USP38: variants seen among roughly 807,000 people sequenced by gnomAD.
The protein encoded by USP38 is ubiquitin specific peptidase 38.
A neutral mutation model predicts 94.3 loss-of-function variants in USP38; 49 were observed. The ratio of observed to expected loss-of-function variants is 0.52; its 90% CI spans 0.41 to 0.66. The LOEUF (loss-of-function observed/expected upper bound fraction) is 0.66. USP38 is among the 30% of genes least tolerant of loss of function. The pLI is 0.00. For missense variants in USP38, 1,128 were observed against 1,229.4 expected (o/e 0.92, Z 1.23); for synonymous variants, 468 against 463.6 (o/e 1.01, Z -0.12).
intron 9 of USP38, among the ~76,000 whole-genome samples, chr4:143,216,880 G>A (rs1732199443): frequency 6.6e-6 from 1 of 151,676 alleles, no homozygotes; most frequent in Non-Finnish European, 1.5e-5. Flanking sequence ...GTGTGATCTC[G>A]GCTCACTGTA....
At position 143,186,102 on chromosome 4, in the gene USP38, C is replaced by G. The variant is rs1429168824; in HGVS notation, c.652C>G (p.Gln218Glu). ...GCCTGCCACACTACTGCCTTCCCTG[C>G]AAGAAGTTTTTGCAAGCATCTCTTC... ...AEPATLLPSL[Q>E]EVFASISSTD... The change falls in exon 1 of 10, where the codon CAA (glutamine) becomes GAA (glutamate). Residue 218 changes from glutamine (Q) to glutamate (E), a missense_variant. Coordinates refer to ENST00000307017, the MANE Select transcript of USP38 (RefSeq NM_032557.6). 1 of 1,613,954 alleles carries G rather than the reference C, an allele frequency of 6.2e-7. No individual in the cohort carries two copies. Among genetic ancestry groups the G allele is most frequent in the African/African-American group, 1.3e-5 (1 of 74,898 alleles).
At chr4:143,197,109 G>A (rs1731572592) in intron 3 of USP38, among the ~76,000 whole-genome samples, 1 of 152,056 alleles carries the variant, frequency 6.6e-6, no homozygotes, top group Admixed American at 6.6e-5. Context: ...TTACTGCCTC[G>A]GTCTCTTGCT....
intron 2 of USP38, among the ~76,000 whole-genome samples, chr4:143,194,021 G>A (rs917985354): frequency 1.3e-5 from 2 of 152,160 alleles, no homozygotes; most frequent in African/African-American, 2.4e-5. Context: ...CCTAGGAGGC[G>A]AACTTTGCAG....
At chr4:143,202,677 A>T (rs1414547983) in intron 4 of USP38, among the ~76,000 whole-genome samples, 2 of 152,140 alleles carry the variant, frequency 1.3e-5, no homozygotes, top group African/African-American at 4.8e-5. Flanking sequence ...ATGAAAGAAC[A>T]TGGTTGTGCT....
intron 2 of USP38, among the ~76,000 whole-genome samples, chr4:143,193,161 T>C (rs897355584): frequency 1.3e-5 from 2 of 152,184 alleles, no homozygotes; most frequent in East Asian, 3.8e-4. Flanking sequence ...TATTTACATA[T>C]ATATTCACAT....
chr4:143,214,228 CTA>C lies in USP38; in HGVS notation c.2254_2255del (p.Met752AlafsTer7). 6.2e-7 allele frequency: 1 copy of C among 1,613,638 alleles called. No individual in the cohort carries two copies. The highest frequency in any genetic ancestry group is 8.5e-7 in the Non-Finnish European group (1 of 1,179,822). ...GCCTCTCTGCAAAATGCTGAGAAAA[CTA>C]TGCAAATCACGGAGGAACCTGAATA... On this transcript the variant is annotated frameshift_variant, in exon 9 of 10. Transcript: ENST00000307017. LOFTEE classifies it high-confidence loss of function.
rs1377463379 is a variant in USP38, at chr4:143,220,532, T to A, written c.*76T>A. On this transcript the variant is annotated 3_prime_UTR_variant, in exon 10 of 10. Transcript: ENST00000307017. Reference sequence around the variant, plus strand: ...TGTTAAAATGTCAGACTATAACAAATATCTATCTTTTATTTTTCATTAGAC... The same window carrying A: ...TGTTAAAATGTCAGACTATAACAAAAATCTATCTTTTATTTTTCATTAGAC... 1.5e-6 allele frequency: 2 copies of A among 1,355,382 alleles called. No individual in the cohort carries two copies. The highest frequency in any genetic ancestry group is 1.9e-6 in the Non-Finnish European group (2 of 1,032,106). The allele number at this position is 1,355,382 out of a possible 1,614,324, so 84.0% of individuals were successfully genotyped here.
chr4:143,186,107 A>C lies in USP38; in HGVS notation c.657A>C (p.Glu219Asp). The change falls in exon 1 of 10, where the codon GAA becomes GAC. Residue 219 changes from glutamate to aspartate, a missense_variant. Coordinates refer to ENST00000307017, the MANE Select transcript of USP38 (RefSeq NM_032557.6). ...EPATLLPSLQ[E>D]VFASISSTDA... ...CCACACTACTGCCTTCCCTGCAAGAAGTTTTTGCAAGCATCTCTTCCACAG... is the reference window on the plus strand; with the variant it reads ...CCACACTACTGCCTTCCCTGCAAGACGTTTTTGCAAGCATCTCTTCCACAG... The C allele has an allele frequency of 6.2e-7, 1 of 1,614,108 alleles. No individual in the cohort carries two copies. Among genetic ancestry groups the C allele is most frequent in the Non-Finnish European group, 8.5e-7 (1 of 1,179,984 alleles).
At chr4:143,212,219 T>G (rs1561246552) in intron 7 of USP38, 99 bp from the exon 8 acceptor site, 3 of 905,260 alleles carry the variant, frequency 3.3e-6, no homozygotes, top group South Asian at 4.9e-5. Flanking sequence ...CAATGTTAAC[T>G]GTAAATAACC....
intron 6 of USP38, among the ~76,000 whole-genome samples, chr4:143,207,656 T>G (rs900392798): frequency 8.4e-6 from 1 of 118,748 alleles, no homozygotes; most frequent in Non-Finnish European, 1.7e-5. Context: ...TTGGTTTGTT[T>G]GTATTTGGAA....
At position 143,223,271 on chromosome 4, in the gene USP38, A is replaced by C. The variant is rs1025777016; in HGVS notation, c.*2815A>C. ...CTCTCTTCCAGCTAAATAATCAGAG[A>C]AGCAGGGCAGTATATCCCTGGAGAT... is the stretch of plus-strand genomic sequence containing the variant. On this transcript the variant is annotated 3_prime_UTR_variant, in exon 10 of 10. Coordinates refer to ENST00000307017, the MANE Select transcript of USP38 (RefSeq NM_032557.6). 3.9e-5 allele frequency: 6 copies of C among 152,058 alleles called. No individual in the cohort carries two copies. Among genetic ancestry groups the C allele is most frequent in the Admixed American group, 3.3e-4 (5 of 15,242 alleles). The allele number at this position is 152,058 out of a possible 1,614,324, so 9.4% of individuals were successfully genotyped here. A position where few individuals can be genotyped will look rare whatever the true frequency, so the allele number is the denominator to read the frequency against.
chr4:143,186,037 C>T lies in USP38; in HGVS notation c.587C>T (p.Thr196Ile). Residue 196 changes from threonine to isoleucine, a missense_variant, in exon 1 of 10, where the codon ACA becomes ATA. By Grantham distance (89) the Thr-to-Ile change is moderately conservative (BLOSUM62 -1). Coordinates refer to ENST00000307017, the MANE Select transcript of USP38 (RefSeq NM_032557.6). ...RELREYVSQV[T>I]KVSNLLQNIW... ...CTGCGGGAATATGTCTCCCAGGTGA[C>T]AAAAGTGAGTAACTTGCTGCAGAAC... is the stretch of plus-strand genomic sequence containing the variant. 1 of 1,614,222 alleles carries T rather than the reference C, an allele frequency of 6.2e-7. No individual in the cohort carries two copies. Among genetic ancestry groups the T allele is most frequent in the South Asian group, 1.1e-5 (1 of 91,088 alleles).
At chr4:143,187,713 C>T in intron 1 of USP38, 113 bp from the exon 2 acceptor site, 13 of 1,131,192 alleles carry the variant, frequency 1.1e-5, no homozygotes, top group East Asian at 2.6e-5. Flanking sequence ...CATAATAATC[C>T]TTCCTAGTTA....
rs183062099 is a variant in USP38, at chr4:143,222,370, A to G, written c.*1914A>G. 6.6e-6 allele frequency: 1 copy of G among 152,166 alleles called. No homozygotes were observed. The highest frequency in any genetic ancestry group is 6.6e-5 in the Admixed American group (1 of 15,266). The allele number at this position is 152,166 out of a possible 1,614,324, so 9.4% of individuals were successfully genotyped here. On this transcript the variant is annotated 3_prime_UTR_variant, in exon 10 of 10. Transcript: ENST00000307017. ...AAATCCACAGATACTCAAGTCCCTT[A>G]TTTATATAAAATAGCACAGTATTTG...
At chr4:143,210,494 G>A (rs1731993956) in intron 7 of USP38, among the ~76,000 whole-genome samples, 1 of 152,064 alleles carries the variant, frequency 6.6e-6, no homozygotes, top group African/African-American at 2.4e-5. Flanking sequence ...GGCTGAGATA[G>A]GAGAATTGCT....
rs773314069 is a variant in USP38, at chr4:143,187,822, A to C, written c.683-4A>C. The C allele has an allele frequency of 6.2e-7, 1 of 1,604,632 alleles. No individual in the cohort carries two copies. The highest frequency in any genetic ancestry group is 8.5e-7 in the Non-Finnish European group (1 of 1,176,890). ...TTCCCTTTTCTTTTTAATTGAAAAA[A>C]CAGATGCATCATTTGAACCTTCTGT... On this transcript the variant is annotated splice_region_variant and splice_polypyrimidine_tract_variant and intron_variant, in intron 1 of 9. Coordinates refer to ENST00000307017, the MANE Select transcript of USP38 (RefSeq NM_032557.6).
At chr4:143,215,232 G>A in intron 9 of USP38, 1 of 362,658 alleles carries the variant, frequency 2.8e-6, no homozygotes, top group Non-Finnish European at 5.0e-6. Context: ...TTACAAAAGT[G>A]GACATATCCT....
chr4:143,185,448 A>G lies in USP38; in HGVS notation c.-3A>G, dbSNP rs758026979. ...CTGGCCCTGGCCTTGCAGCGTGGCGACAATGGACAAGATCCTGGAGGGCCT... is the reference window on the plus strand; with the variant it reads ...CTGGCCCTGGCCTTGCAGCGTGGCGGCAATGGACAAGATCCTGGAGGGCCT... On this transcript the variant is annotated 5_prime_UTR_variant, in exon 1 of 10. Coordinates refer to ENST00000307017, the MANE Select transcript of USP38 (RefSeq NM_032557.6). 2 of 1,573,278 alleles carry G rather than the reference A, an allele frequency of 1.3e-6. No individual in the cohort carries two copies. Among genetic ancestry groups the G allele is most frequent in the Non-Finnish European group, 1.7e-6 (2 of 1,156,548 alleles).
chr4:143,206,017 T>C lies in USP38; in HGVS notation c.1210-16T>C. The C allele has an allele frequency of 6.7e-7, 1 of 1,489,242 alleles. No individual in the cohort carries two copies. 92.3% of individuals were successfully genotyped at this position (1,489,242 alleles called of 1,614,324 possible). On this transcript the variant is annotated splice_polypyrimidine_tract_variant and intron_variant, in intron 5 of 9. Transcript: ENST00000307017. ...TACTTTACTTTTAAACTGTTTTTCT[T>C]CTTTATGACCTATAGGATTTTCCTA... is the stretch of plus-strand genomic sequence containing the variant.
Sources: gnomAD v4.1 joint callset for allele counts (sites outside exome capture counted in the v4.1 genomes callset) on GRCh38, gnomAD v4.1.1 for gene constraint, MANE v1.5 for transcripts, NCBI Gene and HGNC (gene_info 2026-07-23, HGNC 2026-07-21) for gene names.